COL9A1: variants seen among roughly 807,000 people sequenced by gnomAD.
COL9A1 encodes the protein collagen type IX alpha 1 chain, also known as collagen alpha-1(IX) chain.
Under a neutral mutation model 142.6 loss-of-function variants are expected in COL9A1, and 104 were observed. The observed-to-expected ratio is 0.73, with a 90% CI of 0.62 to 0.86. COL9A1 has a LOEUF of 0.86. Ranked by LOEUF, COL9A1 falls within the 40% of genes least tolerant of loss-of-function variation. COL9A1 has a pLI of 0.00. For synonymous variants in COL9A1, 466 were observed against 396.0 expected (o/e 1.18, Z -2.10); for missense variants, 1,210 against 1,176.6 (o/e 1.03, Z -0.42).
chr6:70,248,284 C>T (rs761334099), intron 28 of COL9A1, among the ~76,000 whole-genome samples: 3 of 152,110 alleles, frequency 2.0e-5, no homozygotes, highest in Non-Finnish European at 2.9e-5. Context: ...TAAAGGCAGG[C>T]GCCCATATGA....
intron 5 of COL9A1, among the ~76,000 whole-genome samples, chr6:70,289,006 T>C (rs984076924): frequency 3.3e-5 from 5 of 152,146 alleles, no homozygotes; most frequent in African/African-American, 4.8e-5. Flanking sequence ...AATGAGTATA[T>C]AGAGATGGAT....
chr6:70,243,176 AATAG>A (rs1431109588), intron 28 of COL9A1, among the ~76,000 whole-genome samples: 1 of 152,232 alleles, frequency 6.6e-6, no homozygotes, highest in Non-Finnish European at 1.5e-5. Flanking sequence ...AGAAACACAT[AATAG>A]ATATGTTTGC....
At chr6:70,242,841 T>C in intron 28 of COL9A1, 126 bp from the exon 29 acceptor site, 1 of 800,626 alleles carries the variant, frequency 1.2e-6, no homozygotes, top group Non-Finnish European at 2.2e-6. Context: ...CCATCCTACA[T>C]AGTGCCTACA....
chr6:70,273,999 T>C, intron 12 of COL9A1, 48 bp downstream of exon 12: 1 of 1,264,898 alleles, frequency 7.9e-7, no homozygotes, highest in Non-Finnish European at 1.1e-6. Context: ...GGCAGAATTT[T>C]ACCTAAAGAT....
At chr6:70,245,004 T>G (rs1410339406) in intron 28 of COL9A1, among the ~76,000 whole-genome samples, 1 of 152,226 alleles carries the variant, frequency 6.6e-6, no homozygotes, top group African/African-American at 2.4e-5. Context: ...TACTCCCCTG[T>G]TACTGCACAA....
At chr6:70,265,159 A>G (rs1340022484) in intron 18 of COL9A1, among the ~76,000 whole-genome samples, 1 of 152,130 alleles carries the variant, frequency 6.6e-6, no homozygotes, top group East Asian at 1.9e-4. Flanking sequence ...TCCACTGAAC[A>G]TCAAACCAAA....
At chr6:70,255,276 A>C in intron 22 of COL9A1, 61 bp downstream of exon 22, 2 of 1,608,648 alleles carry the variant, frequency 1.2e-6, no homozygotes, top group Admixed American at 3.3e-5. Context: ...CAAAGAGATC[A>C]GCATAATCAG....
At chr6:70,241,389 A>T in intron 31 of COL9A1, 30 bp downstream of exon 31, 2 of 1,589,984 alleles carry the variant, frequency 1.3e-6, no homozygotes, top group Non-Finnish European at 1.7e-6. Flanking sequence ...CAAACATTGC[A>T]TTTTATACCA....
At chr6:70,272,495 A>G (rs1772473040) in intron 12 of COL9A1, among the ~76,000 whole-genome samples, 1 of 152,104 alleles carries the variant, frequency 6.6e-6, no homozygotes, top group Non-Finnish European at 1.5e-5. Flanking sequence ...TACAATCTAT[A>G]ATAAATTATG....
chr6:70,252,049 T>C, intron 28 of COL9A1, 71 bp downstream of exon 28: 1 of 1,469,830 alleles, frequency 6.8e-7, no homozygotes. Flanking sequence ...GATAGATGGA[T>C]GAATGAATGG....
chr6:70,230,328 G>C (rs1354309892), intron 36 of COL9A1, among the ~76,000 whole-genome samples: 1 of 152,004 alleles, frequency 6.6e-6, no homozygotes, highest in East Asian at 1.9e-4. Flanking sequence ...TTTAATTACC[G>C]CTCCCTACCT....
chr6:70,300,287 A>C, intron 3 of COL9A1, 22 bp downstream of exon 3: 1 of 1,609,610 alleles, frequency 6.2e-7, no homozygotes, highest in Non-Finnish European at 8.5e-7. Flanking sequence ...ATGCATTTTC[A>C]ATAGGGTACA....
intron 5 of COL9A1, among the ~76,000 whole-genome samples, chr6:70,287,039 G>C (rs570606887): frequency 6.6e-6 from 1 of 152,270 alleles, no homozygotes; most frequent in East Asian, 1.9e-4. Flanking sequence ...CAGTGGAGAT[G>C]ACAGAAATAT....
chr6:70,296,704 G>A (rs1773861669), intron 4 of COL9A1, among the ~76,000 whole-genome samples: 1 of 151,988 alleles, frequency 6.6e-6, no homozygotes, highest in South Asian at 2.1e-4. Flanking sequence ...AATAAATTTG[G>A]AGCTGGGAGA....
intron 35 of COL9A1, among the ~76,000 whole-genome samples, chr6:70,233,269 T>C (rs1204015983): frequency 2.6e-5 from 4 of 152,238 alleles, no homozygotes; most frequent in African/African-American, 9.7e-5. Flanking sequence ...TTTGAAGATA[T>C]TATATAAACT....
chr6:70,303,047 G>T lies in COL9A1; in HGVS notation c.-123C>A. 1.9e-6 allele frequency: 2 copies of T among 1,043,280 alleles called. No individual in the cohort carries two copies. The highest frequency in any genetic ancestry group is 3.0e-6 in the Non-Finnish European group (2 of 661,396). 64.6% of individuals were successfully genotyped at this position (1,043,280 alleles called of 1,614,324 possible). ...GACTATGTGTTCTGGGCCCAGCCTT[G>T]GTCCCTCCTGCCCCCGGTGAGGGCT... On this transcript the variant is annotated 5_prime_UTR_variant, in exon 1 of 38. Transcript: ENST00000357250.
Position 70,216,165 on chromosome 6 carries a change from G to A in COL9A1, c.*732C>T, listed in dbSNP as rs1768489523. On this transcript the variant is annotated 3_prime_UTR_variant, in exon 38 of 38. Transcript: ENST00000357250. The stretch of plus-strand genomic sequence containing the variant: ...TTATTTCTTCTTTGGTACAACCAGA[G>A]ATGTTACCTCAAACCTTTAAAATAA... 1 of 152,590 alleles carries A rather than the reference G, an allele frequency of 6.6e-6. No individual in the cohort carries two copies. Among genetic ancestry groups the A allele is most frequent in the Non-Finnish European group, 1.5e-5 (1 of 68,034 alleles). The allele number at this position is 152,590 out of a possible 1,614,324, so 9.5% of individuals were successfully genotyped here.
chr6:70,294,664 G>A, intron 4 of COL9A1, 101 bp from the exon 5 acceptor site: 4 of 1,128,180 alleles, frequency 3.5e-6, no homozygotes, highest in Non-Finnish European at 5.3e-6. Flanking sequence ...CAGACCTATA[G>A]AAAAGCTACA....
rs1269618884 is a variant in COL9A1 at position 70,242,014 on chromosome 6, G to A, written c.1948C>T (p.Leu650Phe). The A allele has an allele frequency of 1.9e-6, 3 of 1,598,752 alleles. No homozygotes were observed. The highest frequency in any genetic ancestry group is 1.3e-5 in the African/African-American group (1 of 74,618). ...CCAGGGGGCCCAGGCAAGCCAGGGA[G>A]GCCAGGGCTACCCAGAGAACCCTGG... is the stretch of plus-strand genomic sequence containing the variant. ...GKLGSLGSPGLPGLPGPPGLP... is the reference protein window; with the variant it reads ...GKLGSLGSPGFPGLPGPPGLP... The change falls in exon 30 of 38, where the codon CTC becomes TTC. Residue 650 changes from leucine (L) to phenylalanine (F), a missense_variant. Leu to Phe is a conservative substitution (Grantham distance 22). Transcript: ENST00000357250.
Sources: gnomAD v4.1 joint callset for allele counts (sites outside exome capture counted in the v4.1 genomes callset) on GRCh38, gnomAD v4.1.1 for gene constraint, MANE v1.5 for transcripts, NCBI Gene and HGNC (gene_info 2026-07-23, HGNC 2026-07-21) for gene names.